The following SOX5 variants were observed in gnomAD, a reference collection of about 807,000 sequenced individuals.
SOX5 encodes SRY-box transcription factor 5.
In SOX5, 9 loss-of-function variants were observed where a neutral mutation model predicts 92.0. The observed-to-expected ratio is 0.10, with a 90% CI of 0.06 to 0.17. The LOEUF is 0.17. SOX5 is among the 10% of genes least tolerant of loss of function. The pLI is 1.00. For synonymous variants in SOX5, 344 were observed against 336.3 expected (o/e 1.02, Z -0.25); for missense variants, 642 against 944.5 (o/e 0.68, Z 4.20).
At chr12:24,071,666 C>T (rs1941805621) in intron 4 of SOX5, among the ~76,000 whole-genome samples, 1 of 152,122 alleles carries the variant, frequency 6.6e-6, no homozygotes, top group South Asian at 2.1e-4. Context: ...GATCTCCTGA[C>T]CTCGTGATCC....
chr12:24,239,196 A>G (rs1247851001), intron 3 of SOX5, among the ~76,000 whole-genome samples: 1 of 152,204 alleles, frequency 6.6e-6, no homozygotes, highest in Non-Finnish European at 1.5e-5. Flanking sequence ...TACTCAGAGG[A>G]AGCATTCTTA....
intron 2 of SOX5, among the ~76,000 whole-genome samples, chr12:23,880,291 G>A (rs12306741): frequency 0.68 from 102,918 of 152,000 alleles, 34,986 homozygotes; most frequent in East Asian, 0.88. Context: ...TAGTGAGGAA[G>A]CAGTTCAGTC....
chr12:23,819,838 C>T (rs2096072148), intron 3 of SOX5, among the ~76,000 whole-genome samples: 1 of 152,098 alleles, frequency 6.6e-6, no homozygotes, highest in Non-Finnish European at 1.5e-5. Flanking sequence ...CATTGATGGG[C>T]ATTTGGGTTG....
At chr12:24,460,219 G>A (rs1414558915) in intron 1 of SOX5, among the ~76,000 whole-genome samples, 1 of 152,126 alleles carries the variant, frequency 6.6e-6, no homozygotes, top group Non-Finnish European at 1.5e-5. Context: ...CAAATTAAAT[G>A]GAAATGAAAG....
At chr12:23,723,213 CCTCTCTCT>C (rs375588805) in intron 6 of SOX5, among the ~76,000 whole-genome samples, 6 of 149,296 alleles carry the variant, frequency 4.0e-5, no homozygotes, top group African/African-American at 1.5e-4. Context: ...TCTCTTTCTC[CCTCTCTCT>C]CTCTCTCAAA....
intron 3 of SOX5, among the ~76,000 whole-genome samples, chr12:23,799,683 T>G (rs1183567331): frequency 6.6e-6 from 1 of 152,012 alleles, no homozygotes; most frequent in Non-Finnish European, 1.5e-5. Context: ...AACTAATACT[T>G]TTTTGCCTCC....
At chr12:24,313,404 C>T (rs542121232) in intron 2 of SOX5, among the ~76,000 whole-genome samples, 7 of 152,162 alleles carry the variant, frequency 4.6e-5, no homozygotes, top group Admixed American at 2.6e-4. Context: ...ATGACATGTG[C>T]CTGTATTCCC....
At chr12:23,925,292 A>G (rs1000566207) in intron 1 of SOX5, among the ~76,000 whole-genome samples, 4 of 152,204 alleles carry the variant, frequency 2.6e-5, no homozygotes, top group African/African-American at 7.2e-5. Context: ...AATTTACTGA[A>G]TAGAGTTAAT....
chr12:23,794,296 T>C lies in SOX5; in HGVS notation c.482-38572A>G, dbSNP rs563647645. Among the ~76,000 whole-genome samples the C allele has an allele frequency of 3.9e-4, 60 of 152,250 alleles. 1 individual carries two copies. The highest frequency in any genetic ancestry group is 1.4e-3 in the African/African-American group (59 of 41,572). On this transcript the variant is annotated intron_variant, in intron 3 of 14. Coordinates refer to ENST00000451604, the MANE Select transcript of SOX5 (RefSeq NM_006940.6). ...ATAAACGTTTATATAGGTTCACTTA[T>C]AAATCTTACTCCCCATAAAGTCTTA...
At chr12:24,166,019 G>A (rs1953365347) in intron 4 of SOX5, among the ~76,000 whole-genome samples, 1 of 152,050 alleles carries the variant, frequency 6.6e-6, no homozygotes, top group Non-Finnish European at 1.5e-5. Context: ...CAATAACCCA[G>A]GAAAACATCA....
intron 4 of SOX5, among the ~76,000 whole-genome samples, chr12:24,193,865 C>G (rs1956757103): frequency 6.6e-6 from 1 of 152,054 alleles, no homozygotes; most frequent in Admixed American, 6.5e-5. Flanking sequence ...CATCTTTGTG[C>G]AAAACAGTCA....
chr12:24,089,870 G>T (rs1029714401), intron 4 of SOX5, among the ~76,000 whole-genome samples: 1 of 152,074 alleles, frequency 6.6e-6, no homozygotes, highest in African/African-American at 2.4e-5. Context: ...CTCCACAAGT[G>T]TTTGGTACAA....
chr12:23,879,332 A>G lies in SOX5; in HGVS notation c.270+16461T>C, dbSNP rs913035083. 7.3e-3 allele frequency among the ~76,000 whole-genome samples: 123 copies of G among 16,764 alleles called. 1 individual carries two copies. Among genetic ancestry groups the G allele is most frequent in the Admixed American group, 0.038 (61 of 1,610 alleles). The allele number at this position is 16,764 out of a possible 152,430, so 11.0% of individuals were successfully genotyped here. A position where few individuals can be genotyped will look rare whatever the true frequency, so the allele number is the denominator to read the frequency against. On this transcript the variant is annotated intron_variant, in intron 2 of 14. Coordinates refer to ENST00000451604, the MANE Select transcript of SOX5 (RefSeq NM_006940.6). ...GTTGCTAATGTATCTAATCTGATGA[A>G]AAAAAAACTAGAAAAGAAATTAACA...
intron 8 of SOX5, among the ~76,000 whole-genome samples, chr12:23,637,523 C>T (rs2079421395): frequency 3.3e-5 from 5 of 152,152 alleles, no homozygotes; most frequent in Admixed American, 3.3e-4. Flanking sequence ...TTCCTCCCAC[C>T]CTATCTTTCC....
At chr12:23,877,909 C>G (rs1487942917) in intron 2 of SOX5, among the ~76,000 whole-genome samples, 1 of 151,862 alleles carries the variant, frequency 6.6e-6, no homozygotes, top group African/African-American at 2.4e-5. Context: ...AAAAGTTTAT[C>G]TAGTTTTCTC....
intron 4 of SOX5, among the ~76,000 whole-genome samples, chr12:23,976,647 C>T (rs1330266106): frequency 6.6e-6 from 1 of 151,990 alleles, no homozygotes; most frequent in Non-Finnish European, 1.5e-5. Flanking sequence ...GACATTCACT[C>T]GAAGGTGGAT....
intron 6 of SOX5, among the ~76,000 whole-genome samples, chr12:23,690,904 A>G (rs1237386806): frequency 6.6e-6 from 1 of 152,228 alleles, no homozygotes; most frequent in Non-Finnish European, 1.5e-5. Context: ...GACTTGTTCC[A>G]GTAAGCCTTC....
intron 1 of SOX5, among the ~76,000 whole-genome samples, chr12:24,437,273 GA>G (rs1939627551): frequency 2.0e-5 from 3 of 152,054 alleles, no homozygotes; most frequent in Admixed American, 2.0e-4. Flanking sequence ...GCCATATGCA[GA>G]AAACTGAAAC....
intron 3 of SOX5, among the ~76,000 whole-genome samples, chr12:23,843,012 G>A (rs1242457499): frequency 2.0e-5 from 3 of 152,150 alleles, no homozygotes; most frequent in Non-Finnish European, 4.4e-5. Flanking sequence ...TACATAGAAA[G>A]TATGTAACTG....
Sources: gnomAD v4.1 joint callset for allele counts (sites outside exome capture counted in the v4.1 genomes callset) on GRCh38, gnomAD v4.1.1 for gene constraint, MANE v1.5 for transcripts, NCBI Gene and HGNC (gene_info 2026-07-23, HGNC 2026-07-21) for gene names.